Variants in RAPH1 observed in about 807,000 individuals in gnomAD.
RAPH1 encodes ras-associated and pleckstrin homology domains-containing protein 1.
Under a neutral mutation model 88.1 loss-of-function variants are expected in RAPH1, and 18 were observed. That is an observed-to-expected ratio of 0.20 (90% CI 0.14 to 0.30). The LOEUF is 0.30. RAPH1 is among the 10% of genes least tolerant of loss of function. The probability of loss-of-function intolerance (pLI) is 1.00; values close to 1 mark genes in which losing one functional copy is unlikely to be tolerated. For missense variants in RAPH1, 1,448 were observed against 1,543.2 expected, an observed-to-expected ratio of 0.94 and a Z score of 1.03; for synonymous variants, 587 against 559.0, an observed-to-expected ratio of 1.05 and a Z score of -0.71.
chr2:203,520,216 C>G (rs1689802332), intron 1 of RAPH1, among the ~76,000 whole-genome samples: 1 of 152,078 alleles, frequency 6.6e-6, no homozygotes, highest in South Asian at 2.1e-4. Context: ...CCTGTGGTCT[C>G]AGCAACTTGG....
intron 1 of RAPH1, among the ~76,000 whole-genome samples, chr2:203,496,541 C>T (rs970435674): frequency 3.3e-5 from 5 of 152,084 alleles, no homozygotes; most frequent in African/African-American, 4.8e-5. Context: ...TTGCTTAAAC[C>T]AGCCAGCATA....
intron 1 of RAPH1, among the ~76,000 whole-genome samples, chr2:203,529,005 A>ATATATATTTT (rs1553633903): frequency 2.4e-5 from 1 of 41,154 alleles, no homozygotes; most frequent in Non-Finnish European, 3.9e-5. Flanking sequence ...ATATATATAT[A>ATATATATTTT]TTTTTTTTTT....
At position 203,487,104 on chromosome 2, in the gene RAPH1, G is replaced by A. The variant is rs893340780; in HGVS notation, c.732+2480C>T. 5.3e-5 allele frequency among the ~76,000 whole-genome samples: 8 copies of A among 152,230 alleles called. No individual in the cohort carries two copies. In the East Asian group the frequency reaches 1.2e-3, roughly 22 times the overall value. ...CCTATACTGTATGAACTTTTATAAT[G>A]AGCACATTTTACAGACAGAAAGACA... On this transcript the variant is annotated intron_variant, in intron 4 of 13. Transcript: ENST00000319170.
intron 7 of RAPH1, among the ~76,000 whole-genome samples, chr2:203,458,039 CTCAT>C (rs2098521200): frequency 6.6e-6 from 1 of 152,112 alleles, no homozygotes; most frequent in African/African-American, 2.4e-5. Context: ...TTCTCTGGGA[CTCAT>C]TTATTAATAA....
intron 1 of RAPH1, among the ~76,000 whole-genome samples, chr2:203,529,397 C>T (rs571924504): frequency 1.1e-4 from 17 of 152,128 alleles, no homozygotes; most frequent in African/African-American, 3.9e-4. Flanking sequence ...GTTTTGCTCT[C>T]GTTGCCTAGG....
At chr2:203,516,060 T>C (rs887879298) in intron 1 of RAPH1, among the ~76,000 whole-genome samples, 1 of 152,176 alleles carries the variant, frequency 6.6e-6, no homozygotes, top group Non-Finnish European at 1.5e-5. Context: ...ATAGATAATA[T>C]ATATATGCTT....
At chr2:203,479,097 A>G (rs1053435194) in intron 4 of RAPH1, among the ~76,000 whole-genome samples, 66 of 152,340 alleles carry the variant, frequency 4.3e-4, no homozygotes, top group African/African-American at 1.5e-3. Context: ...ATTCAGGAAA[A>G]ATAAATATAG....
intron 3 of RAPH1, 40 bp from the exon 4 acceptor site, chr2:203,490,129 T>A: frequency 6.6e-7 from 1 of 1,514,930 alleles, no homozygotes; most frequent in Non-Finnish European, 8.9e-7. Context: ...AATTTATACA[T>A]TCTATTATAA....
chr2:203,463,226 T>C (rs1188809677), intron 4 of RAPH1, among the ~76,000 whole-genome samples: 3 of 147,720 alleles, frequency 2.0e-5, no homozygotes, highest in Non-Finnish European at 4.5e-5. Context: ...AAAAGAAAAA[T>C]GGAAACTTCC....
intron 4 of RAPH1, among the ~76,000 whole-genome samples, chr2:203,467,374 T>C (rs2098529386): frequency 6.6e-6 from 1 of 151,874 alleles, no homozygotes; most frequent in Admixed American, 6.6e-5. Context: ...GCAGATCACC[T>C]GAGGTCAGGA....
intron 13 of RAPH1, chr2:203,444,265 C>T (rs2098507192): frequency 1.3e-5 from 2 of 151,794 alleles, no homozygotes; most frequent in African/African-American, 2.4e-5. Flanking sequence ...AACCCTGTCT[C>T]TACTAAAAAT....
At chr2:203,457,332 G>A (rs555317528) in intron 8 of RAPH1, among the ~76,000 whole-genome samples, 198 bp downstream of exon 8, 45 of 151,956 alleles carry the variant, frequency 3.0e-4, no homozygotes, top group East Asian at 1.2e-3. Context: ...GATTACAGGC[G>A]CCCACCACCA....
At chr2:203,465,044 T>C (rs1340737469) in intron 4 of RAPH1, among the ~76,000 whole-genome samples, 1 of 152,234 alleles carries the variant, frequency 6.6e-6, no homozygotes, top group African/African-American at 2.4e-5. Flanking sequence ...CTAGTGGGAA[T>C]ATAAAATGGT....
intron 1 of RAPH1, among the ~76,000 whole-genome samples, chr2:203,507,139 C>T (rs1440566206): frequency 2.0e-5 from 3 of 151,024 alleles, no homozygotes; most frequent in Non-Finnish European, 4.4e-5. Flanking sequence ...TCAGGTGATA[C>T]GCCCACCTCG....
Position 203,439,400 on chromosome 2 carries a change from T to C in RAPH1, c.*37A>G, listed in dbSNP as rs1389293531. 8 of 1,586,064 alleles carry C rather than the reference T, an allele frequency of 5.0e-6. No homozygotes were observed. Among genetic ancestry groups the C allele is most frequent in the Non-Finnish European group, 6.9e-6 (8 of 1,159,996 alleles). On this transcript the variant is annotated 3_prime_UTR_variant, in exon 14 of 14. Coordinates refer to ENST00000319170, the MANE Select transcript of RAPH1 (RefSeq NM_213589.3). ...TGATCAGGTGAGCTGATTGTAGCAGTGATTACAGATATCATGAAAATAAAG... is the reference window on the plus strand; with the variant it reads ...TGATCAGGTGAGCTGATTGTAGCAGCGATTACAGATATCATGAAAATAAAG...
intron 4 of RAPH1, among the ~76,000 whole-genome samples, chr2:203,463,185 G>T (rs537391418): frequency 6.7e-6 from 1 of 149,332 alleles, no homozygotes; most frequent in Non-Finnish European, 1.5e-5. Flanking sequence ...CTGGGCAACA[G>T]AGCGAGACTC....
At chr2:203,503,370 G>A (rs1446274044) in intron 1 of RAPH1, among the ~76,000 whole-genome samples, 2 of 152,144 alleles carry the variant, frequency 1.3e-5, no homozygotes, top group African/African-American at 4.8e-5. Flanking sequence ...CCACATGGCT[G>A]GGAGGGCCTC....
At chr2:203,455,794 G>C (rs1288463392) in intron 8 of RAPH1, among the ~76,000 whole-genome samples, 1 of 151,624 alleles carries the variant, frequency 6.6e-6, no homozygotes, top group African/African-American at 2.4e-5. Flanking sequence ...GATCACTTGA[G>C]GTCAGGAGTT....
Position 203,489,626 on chromosome 2 carries a change from A to G in RAPH1, c.690T>C (p.Pro230=), listed in dbSNP as rs771377551. ...DSLDIDKVTR[P]QELDLTHQGQ... ...CTTGATGTGTCAAATCCAGCTCTTG[A>G]GGGCGTGTTACTTTATCAATATCCA... Residue 230 remains proline, a synonymous_variant, in exon 4 of 14, where the codon CCT becomes CCC. Coordinates refer to ENST00000319170, the MANE Select transcript of RAPH1 (RefSeq NM_213589.3). The G allele has an allele frequency of 3.1e-6, 5 of 1,608,816 alleles. No homozygotes were observed. The South Asian group carries it at 3.3e-5, about 11-fold the overall frequency.
Sources: allele counts gnomAD v4.1 joint callset (sites outside exome capture counted in the v4.1 genomes callset), GRCh38; gene constraint gnomAD v4.1.1; transcripts MANE v1.5; gene names NCBI Gene and HGNC (gene_info 2026-07-23, HGNC 2026-07-21).